Variants in ZNRF3 observed in about 807,000 individuals in gnomAD.
ZNRF3 encodes the protein E3 ubiquitin-protein ligase ZNRF3.
A neutral mutation model predicts 72.5 loss-of-function variants in ZNRF3; 23 were observed. That is an observed-to-expected ratio of 0.32 (90% CI 0.23 to 0.45). ZNRF3 has a LOEUF of 0.45. Ranked by LOEUF, ZNRF3 falls within the 20% of genes least tolerant of loss-of-function variation. The pLI, the probability that ZNRF3 is intolerant of heterozygous loss-of-function variation, is 1.00. For synonymous variants in ZNRF3, 610 were observed against 545.3 expected (o/e 1.12, Z -1.65); for missense variants, 1,169 against 1,272.1 (o/e 0.92, Z 1.23).
In ZNRF3 at chr22:29,050,226, C is replaced by A; in HGVS notation, c.2045C>A (p.Thr682Asn). The part of the protein sequence containing the change: ...SLEHRGPNSS[T>N]SEVGLEASPG... ...GAGCACAGGGGGCCCAATAGCTCTA[C>A]CTCAGAAGTGGGGCTCGAGGCTTCT... is the stretch of plus-strand genomic sequence containing the variant. The change falls in exon 8 of 9, where the codon ACC (threonine) becomes AAC (asparagine). Residue 682 changes from threonine to asparagine, a missense_variant. Thr to Asn is a moderately conservative substitution (Grantham distance 65, BLOSUM62 0). Around this residue, in one of 2 missense-constraint regions of ZNRF3, gnomAD observed 783 missense variants for 731.4 expected, o/e 1.07. Coordinates refer to ENST00000544604, the MANE Select transcript of ZNRF3 (RefSeq NM_001206998.2). 6.2e-7 allele frequency: 1 copy of A among 1,600,070 alleles called. No individual in the cohort carries two copies.
At chr22:29,051,001 CTT>C in intron 8 of ZNRF3, 53 bp downstream of exon 8, 2 of 1,487,600 alleles carry the variant, frequency 1.3e-6, no homozygotes, top group South Asian at 2.7e-5. Context: ...TCAGGGTCGT[CTT>C]GTCTTCTGTC....
chr22:28,967,521 T>C (rs892674645), intron 1 of ZNRF3, among the ~76,000 whole-genome samples: 2 of 152,248 alleles, frequency 1.3e-5, no homozygotes, highest in African/African-American at 4.8e-5. Flanking sequence ...TACCTTTGAA[T>C]TGTTACTCCT....
At chr22:28,911,771 C>T (rs1461542517) in intron 1 of ZNRF3, among the ~76,000 whole-genome samples, 2 of 152,054 alleles carry the variant, frequency 1.3e-5, no homozygotes, top group African/African-American at 2.4e-5. Flanking sequence ...GCCCCTAACC[C>T]CTCAGTTTGG....
chr22:28,963,914 C>A (rs2035410969), intron 1 of ZNRF3, among the ~76,000 whole-genome samples: 1 of 152,088 alleles, frequency 6.6e-6, no homozygotes, highest in African/African-American at 2.4e-5. Flanking sequence ...AGCACAGTAC[C>A]CAGCATCTAA....
intron 2 of ZNRF3, among the ~76,000 whole-genome samples, chr22:29,007,044 A>G (rs2036263504): frequency 6.6e-6 from 1 of 152,350 alleles, no homozygotes; most frequent in Middle Eastern, 3.4e-3. Flanking sequence ...ACATTATCTG[A>G]AATCCTTACA....
chr22:29,043,244 T>C, intron 3 of ZNRF3, 55 bp from the exon 4 acceptor site: 1 of 1,589,146 alleles, frequency 6.3e-7, no homozygotes, highest in Non-Finnish European at 8.6e-7. Context: ...TCTTTCTCTC[T>C]ACTGCTTCTT....
At chr22:29,051,477 G>T (rs58221763) in intron 8 of ZNRF3, among the ~76,000 whole-genome samples, 2,535 of 152,184 alleles carry the variant, frequency 0.017, 82 homozygotes, top group African/African-American at 0.059. Context: ...GGTGGCGGGT[G>T]CCTGTAGTCC....
intron 2 of ZNRF3, among the ~76,000 whole-genome samples, chr22:29,002,337 G>A (rs2036162583): frequency 1.3e-5 from 2 of 152,208 alleles, no homozygotes; most frequent in South Asian, 4.2e-4. Flanking sequence ...CCTTAGGGAG[G>A]GCCTGATTTC....
Position 29,048,429 on chromosome 22 carries a change from A to G in ZNRF3, c.953A>G (p.Lys318Arg), listed in dbSNP as rs1348642645. Residue 318 changes from lysine to arginine, a missense_variant, in exon 7 of 9, where the codon AAG (lysine) becomes AGG (arginine). Transcript: ENST00000544604. The surrounding 1 kb of genome is among the most constrained non-coding windows in gnomAD (Gnocchi z 4.9). ...VIPCTHRFHR[K>R]CVDPWLLQHH... Reference sequence around the variant, plus strand: ...CCCTGTACTCACCGGTTTCACAGGAAGTGCGTGGACCCCTGGCTGCTGCAG... The same window carrying G: ...CCCTGTACTCACCGGTTTCACAGGAGGTGCGTGGACCCCTGGCTGCTGCAG... The G allele has an allele frequency of 1.2e-6, 2 of 1,614,144 alleles. No individual in the cohort carries two copies. The highest frequency in any genetic ancestry group is 2.7e-5 in the African/African-American group (2 of 75,052).
intron 2 of ZNRF3, among the ~76,000 whole-genome samples, chr22:29,009,976 G>A (rs1314635565): frequency 7.1e-6 from 1 of 141,822 alleles, no homozygotes; most frequent in Non-Finnish European, 1.5e-5. Flanking sequence ...GCTCAATCTC[G>A]GCTCACTGCA....
chr22:29,021,176 A>G (rs1170230751), intron 2 of ZNRF3, among the ~76,000 whole-genome samples: 1 of 151,884 alleles, frequency 6.6e-6, no homozygotes, highest in Non-Finnish European at 1.5e-5. Context: ...GGAGGTTGCA[A>G]TGAGCCAAGG....
At position 29,056,258 on chromosome 22, in the gene ZNRF3, C is replaced by T. The variant is rs2037295359; in HGVS notation, c.*2636C>T. On this transcript the variant is annotated 3_prime_UTR_variant, in exon 9 of 9. Coordinates refer to ENST00000544604, the MANE Select transcript of ZNRF3 (RefSeq NM_001206998.2). ...CTGGGATTACAGGCATGCGCCACCA[C>T]ACCCAGCTAATTTTGTATTTTTGGT... 6.6e-6 allele frequency: 1 copy of T among 152,288 alleles called. No homozygotes were observed. The highest frequency in any genetic ancestry group is 2.4e-5 in the African/African-American group (1 of 41,552). The allele number at this position is 152,288 out of a possible 1,614,324, so 9.4% of individuals were successfully genotyped here.
At position 29,049,994 on chromosome 22, in the gene ZNRF3, T is replaced by C; in HGVS notation, c.1813T>C (p.Cys605Arg). 2 of 1,612,132 alleles carry C rather than the reference T, an allele frequency of 1.2e-6. No individual in the cohort carries two copies. Among genetic ancestry groups the C allele is most frequent in the Non-Finnish European group, 1.7e-6 (2 of 1,179,660 alleles). The change falls in exon 8 of 9, where the codon TGT (cysteine) becomes CGT (arginine). Residue 605 changes from cysteine to arginine, a missense_variant. Cys to Arg is a radical substitution (Grantham distance 180). Transcript: ENST00000544604. The surrounding 1 kb of genome is among the most constrained non-coding windows in gnomAD (Gnocchi z 5.2). The part of the protein sequence containing the change: ...DPFIYRSRSP[C>R]RASEAGGSGS... ...CTTCATCTACCGCAGCCGGAGCCCC[T>C]GTCGTGCCAGTGAGGCGGGGGGCTC...
At position 29,050,142 on chromosome 22, in the gene ZNRF3, C is replaced by T. The variant is rs773834473; in HGVS notation, c.1961C>T (p.Ser654Leu). The change falls in exon 8 of 9, where the codon TCG becomes TTG. Residue 654 changes from serine to leucine, a missense_variant. Physicochemically the swap from Ser to Leu is moderately radical, Grantham distance 145. This residue lies in a region of ZNRF3 where 783 missense variants were observed against 731.4 expected (regional missense o/e 1.07). Transcript: ENST00000544604. ...CCTTGGCCGGGCCCTGCCTCTCCCT[C>T]GGGGGATCAGGTGTCCACCTGCAGC... ...GEPWPGPASP[S>L]GDQVSTCSLE... 6.9e-6 allele frequency: 11 copies of T among 1,605,184 alleles called. No homozygotes were observed. Among genetic ancestry groups the T allele is most frequent in the East Asian group, 4.5e-5 (2 of 44,868 alleles).
rs2037278580 is a variant in ZNRF3, at chr22:29,055,199, A to C, written c.*1577A>C. On this transcript the variant is annotated 3_prime_UTR_variant, in exon 9 of 9. Transcript: ENST00000544604. ...TCCAATGTATTCCTTGTTCTTTAAA[A>C]AAATTTTTTTTAGAGGAAACTAATA... 1 of 152,526 alleles carries C rather than the reference A, an allele frequency of 6.6e-6. No homozygotes were observed. Among genetic ancestry groups the C allele is most frequent in the Admixed American group, 6.5e-5 (1 of 15,276 alleles). The allele number at this position is 152,526 out of a possible 1,614,324, so 9.4% of individuals were successfully genotyped here.
At chr22:28,910,660 G>A (rs1294793292) in intron 1 of ZNRF3, among the ~76,000 whole-genome samples, 2 of 152,196 alleles carry the variant, frequency 1.3e-5, no homozygotes, top group African/African-American at 4.8e-5. Flanking sequence ...TGTCTGTTGA[G>A]GGAGGGCTTA....
intron 1 of ZNRF3, among the ~76,000 whole-genome samples, chr22:28,886,691 A>G (rs715531): frequency 0.42 from 64,051 of 151,990 alleles, 15,489 homozygotes; most frequent in African/African-American, 0.66. Context: ...AGGCATGGTG[A>G]CTGACGCCTG....
At chr22:28,989,803 C>T (rs1362020549) in intron 2 of ZNRF3, among the ~76,000 whole-genome samples, 1 of 152,152 alleles carries the variant, frequency 6.6e-6, no homozygotes, top group Non-Finnish European at 1.5e-5. Context: ...CACCTACCCG[C>T]GTACTTACAG....
At chr22:29,023,963 C>T (rs1416104127) in intron 2 of ZNRF3, among the ~76,000 whole-genome samples, 6 of 152,194 alleles carry the variant, frequency 3.9e-5, no homozygotes, top group African/African-American at 1.4e-4. Context: ...ACCCACAAAC[C>T]AGACTGCCAA....
Sources: gnomAD v4.1 joint callset for allele counts (sites outside exome capture counted in the v4.1 genomes callset) on GRCh38, gnomAD v4.1.1 for gene constraint, gnomAD v4.1.1 regional missense constraint, Gnocchi (gnomAD v3.1) non-coding constraint, MANE v1.5 for transcripts, NCBI Gene and HGNC (gene_info 2026-07-23, HGNC 2026-07-21) for gene names.